PXDNL: variants seen among roughly 807,000 people sequenced by gnomAD.
PXDNL encodes the protein peroxidasin like, also known as probable oxidoreductase PXDNL.
A neutral mutation model predicts 150.8 loss-of-function variants in PXDNL; 145 were observed. The observed-to-expected ratio is 0.96, with a 90% CI of 0.84 to 1.10. The LOEUF is 1.10. Among genes scored for constraint, PXDNL ranks in the 50% least tolerant of loss-of-function variants. The pLI, the probability that PXDNL is intolerant of heterozygous loss-of-function variation, is 0.00. For synonymous variants in PXDNL, 757 were observed against 725.7 expected, an observed-to-expected ratio of 1.04 and a Z score of -0.69; for missense variants, 2,087 against 1,873.9, an observed-to-expected ratio of 1.11 and a Z score of -2.10.
intron 1 of PXDNL, among the ~76,000 whole-genome samples, chr8:51,787,756 TGAGA>T (rs1268408363): frequency 6.6e-6 from 1 of 152,234 alleles, no homozygotes; most frequent in African/African-American, 2.4e-5. Flanking sequence ...TAGCAAGGAT[TGAGA>T]GAATTTACTC....
At chr8:51,535,941 T>TAC (rs1812065742) in intron 4 of PXDNL, among the ~76,000 whole-genome samples, 1 of 152,192 alleles carries the variant, frequency 6.6e-6, no homozygotes, top group Non-Finnish European at 1.5e-5. Flanking sequence ...CTACAGTTCT[T>TAC]ACCACGTTTC....
At position 51,411,231 on chromosome 8, in the gene PXDNL, A is replaced by C. The variant is rs1258111689; in HGVS notation, c.2062+19T>G. 8 of 1,421,636 alleles carry C rather than the reference A, an allele frequency of 5.6e-6. No homozygotes were observed. Among genetic ancestry groups the C allele is most frequent in the Non-Finnish European group, 9.2e-7 (1 of 1,084,280 alleles). The allele number at this position is 1,421,636 out of a possible 1,614,324, so 88.1% of individuals were successfully genotyped here. On this transcript the variant is annotated intron_variant, in intron 16 of 22. Transcript: ENST00000356297. ...TTCTGTGGGCAGTAGGCTGAGAATA[A>C]AATGGCTTTGTGGCTGACCTTTGCC...
chr8:51,491,824 T>C (rs1810902765), intron 5 of PXDNL, among the ~76,000 whole-genome samples: 1 of 152,242 alleles, frequency 6.6e-6, no homozygotes, highest in South Asian at 2.1e-4. Context: ...AAAGTTGGAG[T>C]CCCATGTCTT....
chr8:51,403,932 G>C (rs571778367), intron 17 of PXDNL, among the ~76,000 whole-genome samples: 1 of 152,128 alleles, frequency 6.6e-6, no homozygotes, highest in Admixed American at 6.5e-5. Flanking sequence ...TCTGATGTTC[G>C]GACGTGTTCA....
intron 12 of PXDNL, among the ~76,000 whole-genome samples, chr8:51,434,403 G>A (rs1044269196): frequency 1.3e-5 from 2 of 152,004 alleles, no homozygotes; most frequent in African/African-American, 4.8e-5. Context: ...CCTATGCCTT[G>A]TTGCTTCTTC....
intron 1 of PXDNL, among the ~76,000 whole-genome samples, chr8:51,686,897 G>A (rs1248335733): frequency 6.6e-6 from 1 of 151,990 alleles, no homozygotes; most frequent in Non-Finnish European, 1.5e-5. Flanking sequence ...AGGGTTAATA[G>A]TCTTATTATT....
intron 10 of PXDNL, among the ~76,000 whole-genome samples, chr8:51,452,171 G>A (rs937700964): frequency 6.6e-5 from 10 of 152,306 alleles, no homozygotes; most frequent in Middle Eastern, 3.4e-3. Flanking sequence ...GTGATCAGGC[G>A]TTAGGTTTCT....
intron 4 of PXDNL, among the ~76,000 whole-genome samples, chr8:51,510,825 T>C (rs1353596102): frequency 6.6e-6 from 1 of 152,190 alleles, no homozygotes; most frequent in Non-Finnish European, 1.5e-5. Context: ...GGAAAAAACA[T>C]TATTGTGTTT....
At chr8:51,438,033 A>G (rs185407625) in intron 12 of PXDNL, among the ~76,000 whole-genome samples, 84 of 152,360 alleles carry the variant, frequency 5.5e-4, no homozygotes, top group Middle Eastern at 6.8e-3. Context: ...TGAGAATCAA[A>G]TCAGGAACTC....
chr8:51,413,311 C>T, intron 14 of PXDNL, 53 bp from the exon 15 acceptor site: 1 of 1,050,094 alleles, frequency 9.5e-7, no homozygotes, highest in Admixed American at 1.8e-5. Context: ...TGAAGTTAGG[C>T]ATGATATTAT....
intron 1 of PXDNL, among the ~76,000 whole-genome samples, chr8:51,762,223 A>T (rs1426585286): frequency 6.6e-6 from 1 of 152,160 alleles, no homozygotes; most frequent in Non-Finnish European, 1.5e-5. Flanking sequence ...TTACTTTTCA[A>T]TCTGCCTCTG....
chr8:51,786,636 G>C (rs941594919), intron 1 of PXDNL, among the ~76,000 whole-genome samples: 5 of 152,000 alleles, frequency 3.3e-5, no homozygotes, highest in Admixed American at 6.6e-5. Flanking sequence ...GCTAGCGGAG[G>C]CTGTTCATGA....
chr8:51,535,740 A>AAT, intron 4 of PXDNL, among the ~76,000 whole-genome samples: 1 of 145,754 alleles, frequency 6.9e-6, no homozygotes, highest in South Asian at 2.2e-4. Flanking sequence ...TAAATAAATA[A>AAT]AAATAAAGTT....
intron 8 of PXDNL, among the ~76,000 whole-genome samples, chr8:51,466,172 CA>C (rs1200242661): frequency 6.6e-6 from 1 of 152,026 alleles, no homozygotes; most frequent in African/African-American, 2.4e-5. Flanking sequence ...CTACACTAAA[CA>C]AAACATGGTG....
intron 2 of PXDNL, among the ~76,000 whole-genome samples, chr8:51,608,836 CAA>C (rs59195880): frequency 3.4e-5 from 2 of 59,594 alleles, no homozygotes; most frequent in Admixed American, 2.3e-4. Flanking sequence ...GACTCTGTCT[CAA>C]AAAAAAAAAA....
intron 17 of PXDNL, among the ~76,000 whole-genome samples, chr8:51,382,785 C>A (rs895267116): frequency 3.3e-5 from 5 of 152,046 alleles, no homozygotes; most frequent in African/African-American, 1.2e-4. Context: ...CAGAAAGTTA[C>A]ATAGGGTCAG....
intron 1 of PXDNL, among the ~76,000 whole-genome samples, chr8:51,661,673 C>G (rs1815272915): frequency 1.3e-5 from 2 of 152,272 alleles, no homozygotes; most frequent in African/African-American, 4.8e-5. Flanking sequence ...TAAAATCTCC[C>G]TCTCCTTATA....
At chr8:51,501,662 G>T (rs538766833) in intron 4 of PXDNL, among the ~76,000 whole-genome samples, 1 of 151,852 alleles carries the variant, frequency 6.6e-6, no homozygotes, top group Non-Finnish European at 1.5e-5. Flanking sequence ...ACACTTTCAC[G>T]CACTGACACA....
At chr8:51,599,246 G>C (rs1813640583) in intron 2 of PXDNL, among the ~76,000 whole-genome samples, 1 of 151,768 alleles carries the variant, frequency 6.6e-6, no homozygotes, top group Non-Finnish European at 1.5e-5. Context: ...TTTCTGCTTT[G>C]ATTTTATTTA....
Sources: allele counts gnomAD v4.1 joint callset (sites outside exome capture counted in the v4.1 genomes callset), GRCh38; gene constraint gnomAD v4.1.1; transcripts MANE v1.5; gene names NCBI Gene and HGNC (gene_info 2026-07-23, HGNC 2026-07-21).